LARS2: variants seen among roughly 807,000 people sequenced by gnomAD.
The protein encoded by LARS2 is leucine--tRNA ligase, mitochondrial.
Under a neutral mutation model 116.6 loss-of-function variants are expected in LARS2, and 81 were observed. That is an observed-to-expected ratio of 0.69 (90% CI 0.58 to 0.84). LARS2 has a LOEUF of 0.84. LARS2 is among the 40% of genes least tolerant of loss of function. LARS2 has a pLI of 0.00. For synonymous variants in LARS2, 396 were observed against 407.2 expected, an observed-to-expected ratio of 0.97 and a Z score of 0.33; for missense variants, 968 against 1,114.5, an observed-to-expected ratio of 0.87 and a Z score of 1.87.
At chr3:45,513,007 T>C in intron 15 of LARS2, 128 bp from the exon 16 acceptor site, 1 of 698,482 alleles carries the variant, frequency 1.4e-6, no homozygotes, top group South Asian at 1.6e-5. Flanking sequence ...ATAAGTGGCC[T>C]TGGTCAGCCC....
intron 2 of LARS2, among the ~76,000 whole-genome samples, chr3:45,392,603 AT>A (rs374588804): frequency 8.8e-5 from 13 of 148,158 alleles, no homozygotes; most frequent in South Asian, 2.1e-4. Context: ...CCTAAGAGAG[AT>A]TTTTTTTTTT....
intron 6 of LARS2, among the ~76,000 whole-genome samples, chr3:45,428,999 A>G (rs1698646284): frequency 6.6e-6 from 1 of 152,168 alleles, no homozygotes; most frequent in South Asian, 2.1e-4. Flanking sequence ...TACCATTTTG[A>G]AAACTAAGAA....
chr3:45,493,938 G>T (rs1331467150), intron 13 of LARS2, among the ~76,000 whole-genome samples: 1 of 152,158 alleles, frequency 6.6e-6, no homozygotes, highest in African/African-American at 2.4e-5. Flanking sequence ...CACAAGGTAA[G>T]TGAGGAAGAT....
At chr3:45,496,013 C>T (rs79552161) in intron 13 of LARS2, among the ~76,000 whole-genome samples, 1 of 152,142 alleles carries the variant, frequency 6.6e-6, no homozygotes, top group East Asian at 1.9e-4. Flanking sequence ...GCACACGCCA[C>T]GACGCCCAGC....
At chr3:45,455,387 C>T (rs1210796324) in intron 7 of LARS2, among the ~76,000 whole-genome samples, 1 of 151,630 alleles carries the variant, frequency 6.6e-6, no homozygotes, top group Admixed American at 6.6e-5. Context: ...TTCTACCTTT[C>T]TTTTATGTTT....
chr3:45,518,205 C>A, intron 18 of LARS2, 133 bp downstream of exon 18: 1 of 644,222 alleles, frequency 1.6e-6, no homozygotes, highest in Non-Finnish European at 2.7e-6. Context: ...AATGGCGGTC[C>A]TTCTTGCTTT....
rs199568924 is a variant in LARS2 at position 45,394,633 on chromosome 3, G to C, written c.180G>C (p.Glu60Asp). The C allele has an allele frequency of 5.8e-5, 94 of 1,614,110 alleles. No individual in the cohort carries two copies. The highest frequency in any genetic ancestry group is 5.9e-6 in the Non-Finnish European group (7 of 1,180,054). The change falls in exon 3 of 22, where the codon GAG becomes GAC. Residue 60 changes from glutamate (E) to aspartate (D), a missense_variant. Transcript: ENST00000645846. ...CATTGCAGACAAGAAAGGATGTTGA[G>C]AAATGGTGGCATCAACGAATAAAAG... ...EYTLQTRKDVEKWWHQRIKEQ... is the reference protein window; with the variant it reads ...EYTLQTRKDVDKWWHQRIKEQ...
intron 7 of LARS2, among the ~76,000 whole-genome samples, chr3:45,451,495 C>T (rs529370152): frequency 6.6e-6 from 1 of 152,102 alleles, no homozygotes; most frequent in South Asian, 2.1e-4. Context: ...GAAACTTTGT[C>T]AAAAATGAGT....
At chr3:45,433,935 G>C (rs1269217371) in intron 6 of LARS2, among the ~76,000 whole-genome samples, 1 of 152,134 alleles carries the variant, frequency 6.6e-6, no homozygotes. Context: ...TCAGGCCTCT[G>C]TGGTTTCTGA....
intron 8 of LARS2, 32 bp downstream of exon 8, chr3:45,458,918 G>C (rs1473108080): frequency 1.3e-5 from 21 of 1,610,876 alleles, no homozygotes; most frequent in Non-Finnish European, 1.8e-5. Context: ...CCCCACTAAT[G>C]CCTTACATGC....
chr3:45,528,031 G>C (rs761421959), intron 20 of LARS2, among the ~76,000 whole-genome samples: 109 of 152,126 alleles, frequency 7.2e-4, no homozygotes, highest in Non-Finnish European at 3.2e-4. Context: ...GCATCTTAGC[G>C]CAGATCATTG....
At chr3:45,506,987 A>G (rs1166664446) in intron 15 of LARS2, 1 of 152,070 alleles carries the variant, frequency 6.6e-6, no homozygotes, top group African/African-American at 2.4e-5. Context: ...TGTGATCTGA[A>G]ATACCAAGTT....
chr3:45,390,298 T>G, intron 1 of LARS2, among the ~76,000 whole-genome samples: 1 of 152,036 alleles, frequency 6.6e-6, no homozygotes, highest in Non-Finnish European at 1.5e-5. Context: ...CTTTGCCCAT[T>G]TTTATTTTTA....
chr3:45,393,053 C>T (rs1468967978), intron 2 of LARS2, among the ~76,000 whole-genome samples: 1 of 152,140 alleles, frequency 6.6e-6, no homozygotes. Context: ...AAACATGAAA[C>T]TTCTTCAGTG....
At chr3:45,532,171 T>C (rs1700625423) in intron 20 of LARS2, among the ~76,000 whole-genome samples, 1 of 152,246 alleles carries the variant, frequency 6.6e-6, no homozygotes, top group Admixed American at 6.5e-5. Context: ...CAGGTCTTAT[T>C]TCCAGATATA....
At chr3:45,415,583 C>T (rs1391067731) in intron 4 of LARS2, among the ~76,000 whole-genome samples, 1 of 152,170 alleles carries the variant, frequency 6.6e-6, no homozygotes, top group Non-Finnish European at 1.5e-5. Context: ...CTCAGTGGCT[C>T]ACTCCTGTAA....
At chr3:45,523,254 G>A (rs564058307) in intron 19 of LARS2, among the ~76,000 whole-genome samples, 2 of 152,262 alleles carry the variant, frequency 1.3e-5, no homozygotes, top group African/African-American at 4.8e-5. Context: ...TCAGAGAATA[G>A]GGGTCCCTAA....
chr3:45,516,579 G>A lies in LARS2; in HGVS notation c.2044+303G>A, dbSNP rs981851703. On this transcript the variant is annotated intron_variant, in intron 17 of 21. Coordinates refer to ENST00000645846, the MANE Select transcript of LARS2 (RefSeq NM_015340.4). ...GAGGTGGCCTTTGAACAAGCTCAGC[G>A]GTGATTCCAGTGCACACTCTACGAG... Among the ~76,000 whole-genome samples the A allele has an allele frequency of 1.3e-5, 2 of 152,314 alleles. 1 individual carries two copies.
intron 20 of LARS2, among the ~76,000 whole-genome samples, chr3:45,537,330 T>C (rs1173186969): frequency 2.0e-5 from 3 of 152,228 alleles, no homozygotes; most frequent in Non-Finnish European, 4.4e-5. Context: ...TCTATTTTTC[T>C]TCATAAAATA....
Sources: gnomAD v4.1 joint callset for allele counts (sites outside exome capture counted in the v4.1 genomes callset) on GRCh38, gnomAD v4.1.1 for gene constraint, MANE v1.5 for transcripts, NCBI Gene and HGNC (gene_info 2026-07-23, HGNC 2026-07-21) for gene names.